Variants in TOPAZ1 observed in about 807,000 individuals in gnomAD.
TOPAZ1 encodes the protein testis and ovary specific TOPAZ 1.
Under a neutral mutation model 172.2 loss-of-function variants are expected in TOPAZ1, and 66 were observed. The ratio of observed to expected loss-of-function variants is 0.38; its 90% CI spans 0.31 to 0.47. The LOEUF is 0.47. Ranked by LOEUF, TOPAZ1 falls within the 20% of genes least tolerant of loss-of-function variation. The probability of loss-of-function intolerance (pLI) is 0.99; values close to 1 mark genes in which losing one functional copy is unlikely to be tolerated. For missense variants in TOPAZ1, 1,822 were observed against 1,972.4 expected, an observed-to-expected ratio of 0.92 and a Z score of 1.44; for synonymous variants, 681 against 683.9, an observed-to-expected ratio of 1.00 and a Z score of 0.07.
chr3:44,322,243 AT>A (rs1700545816), intron 17 of TOPAZ1, among the ~76,000 whole-genome samples: 1 of 152,346 alleles, frequency 6.6e-6, no homozygotes, highest in East Asian at 1.9e-4. Context: ...AGTCTCTAAG[AT>A]GACTTCTCTT....
intron 4 of TOPAZ1, among the ~76,000 whole-genome samples, chr3:44,257,050 C>T (rs759198779): frequency 2.6e-5 from 4 of 151,856 alleles, no homozygotes; most frequent in African/African-American, 4.8e-5. Context: ...ATCAATATGC[C>T]GGGTGCAGTG....
rs111766609 is a variant in TOPAZ1, at chr3:44,310,294, T to A, written c.4306+304T>A. Among the ~76,000 whole-genome samples, 595 of 152,124 alleles carry A rather than the reference T, an allele frequency of 3.9e-3. 2 individuals carry two copies. Among genetic ancestry groups the A allele is most frequent in the Middle Eastern group, 0.017 (5 of 294 alleles). On this transcript the variant is annotated intron_variant, in intron 16 of 19. Transcript: ENST00000309765. ...GCAGCGGATCACCTGAGGTCAGGAG[T>A]TTGAGACCAGCCTGACCAACATGAC...
At chr3:44,274,252 T>C (rs1044947462) in intron 8 of TOPAZ1, among the ~76,000 whole-genome samples, 1 of 151,258 alleles carries the variant, frequency 6.6e-6, no homozygotes, top group African/African-American at 2.4e-5. Context: ...TCTACTAAAT[T>C]ACAAAAATTA....
chr3:44,320,689 CATAA>C (rs1700498640), intron 16 of TOPAZ1, among the ~76,000 whole-genome samples: 1 of 152,050 alleles, frequency 6.6e-6, no homozygotes, highest in African/African-American at 2.4e-5. Context: ...AACTTGTCCA[CATAA>C]ATAATATTTT....
chr3:44,274,966 T>C (rs1350333202), intron 8 of TOPAZ1, among the ~76,000 whole-genome samples: 1 of 151,996 alleles, frequency 6.6e-6, no homozygotes. Context: ...ATATGTGATA[T>C]TTTGTTACAT....
intron 5 of TOPAZ1, 66 bp from the exon 6 acceptor site, chr3:44,266,931 G>T: frequency 8.3e-7 from 1 of 1,205,928 alleles, no homozygotes; most frequent in Non-Finnish European, 1.1e-6. Flanking sequence ...TCTGATATCT[G>T]CAAAGCATTA....
intron 1 of TOPAZ1, 28 bp from the exon 2 acceptor site, chr3:44,242,825 T>G: frequency 6.9e-7 from 1 of 1,445,360 alleles, no homozygotes; most frequent in Non-Finnish European, 9.1e-7. Flanking sequence ...ATAAAATCTT[T>G]TCTGATATAT....
At chr3:44,309,523 G>T (rs1328140508) in intron 15 of TOPAZ1, among the ~76,000 whole-genome samples, 1 of 152,222 alleles carries the variant, frequency 6.6e-6, no homozygotes, top group African/African-American at 2.4e-5. Context: ...TTCATCACAT[G>T]AAATCTTAAG....
At chr3:44,325,468 C>T (rs925827593) in intron 18 of TOPAZ1, among the ~76,000 whole-genome samples, 5 of 152,132 alleles carry the variant, frequency 3.3e-5, no homozygotes, top group African/African-American at 9.7e-5. Flanking sequence ...ACATCTTCAA[C>T]ACCTCCAGAA....
chr3:44,283,312 A>G (rs187201456), intron 9 of TOPAZ1, among the ~76,000 whole-genome samples: 1 of 152,322 alleles, frequency 6.6e-6, no homozygotes, highest in Non-Finnish European at 1.5e-5. Context: ...GACCTGATAC[A>G]TATGAGGGGT....
At chr3:44,255,079 T>G (rs1443921053) in intron 3 of TOPAZ1, 50 bp downstream of exon 3, 1 of 1,353,684 alleles carries the variant, frequency 7.4e-7, no homozygotes, top group South Asian at 1.3e-5. Context: ...TCTCTTTATA[T>G]CTCCATTCAG....
In TOPAZ1 at chr3:44,255,049, G is replaced by A; in HGVS notation, c.2827+20G>A. 1 of 1,538,742 alleles carries A rather than the reference G, an allele frequency of 6.5e-7. No individual in the cohort carries two copies. Among genetic ancestry groups the A allele is most frequent in the Non-Finnish European group, 8.8e-7 (1 of 1,135,726 alleles). Reference sequence around the variant, plus strand: ...CAGCAGGTAAAAGTTGACATTTTCAGAATATGCAATATTGAAGCATCTCTT... The same window carrying A: ...CAGCAGGTAAAAGTTGACATTTTCAAAATATGCAATATTGAAGCATCTCTT... On this transcript the variant is annotated intron_variant, in intron 3 of 19. Transcript: ENST00000309765.
intron 12 of TOPAZ1, among the ~76,000 whole-genome samples, chr3:44,302,221 T>C (rs574265878): frequency 3.8e-4 from 58 of 152,174 alleles, no homozygotes; most frequent in African/African-American, 1.4e-3. Flanking sequence ...CCATTCTGGC[T>C]AACATGGTGA....
In TOPAZ1 at chr3:44,287,541, G is replaced by A; in HGVS notation, c.3588+1G>A. The A allele has an allele frequency of 1.4e-6, 2 of 1,465,328 alleles. No individual in the cohort carries two copies. Among genetic ancestry groups the A allele is most frequent in the Admixed American group, 2.8e-5 (1 of 35,864 alleles). The allele number at this position is 1,465,328 out of a possible 1,614,324, so 90.8% of individuals were successfully genotyped here. A position where few individuals can be genotyped will look rare whatever the true frequency, so the allele number is the denominator to read the frequency against. On this transcript the variant is annotated splice_donor_variant, in intron 10 of 19. Coordinates refer to ENST00000309765, the MANE Select transcript of TOPAZ1 (RefSeq NM_001145030.2). LOFTEE classifies it high-confidence loss of function. ...CCTCAGCATAATGGTTAAAATGCTG[G>A]TAAGTAGCCTGAAAATATATGTTAT...
chr3:44,289,968 G>A (rs367552456), intron 11 of TOPAZ1, among the ~76,000 whole-genome samples: 19 of 152,164 alleles, frequency 1.2e-4, no homozygotes, highest in Admixed American at 5.2e-4. Flanking sequence ...CCACTCAGTT[G>A]AGTCATTCTT....
intron 18 of TOPAZ1, among the ~76,000 whole-genome samples, chr3:44,323,652 TTTTA>T (rs1367154420): frequency 6.6e-6 from 1 of 152,232 alleles, no homozygotes; most frequent in Non-Finnish European, 1.5e-5. Context: ...GAAGATCTGT[TTTTA>T]TTTATCTCTG....
chr3:44,284,316 T>A (rs1700055626), intron 9 of TOPAZ1, among the ~76,000 whole-genome samples: 1 of 152,218 alleles, frequency 6.6e-6, no homozygotes, highest in Non-Finnish European at 1.5e-5. Flanking sequence ...ATCTACTTTC[T>A]GGCTCTATGA....
At chr3:44,258,134 C>T (rs776111022) in intron 4 of TOPAZ1, among the ~76,000 whole-genome samples, 2 of 151,984 alleles carry the variant, frequency 1.3e-5, no homozygotes, top group Admixed American at 1.3e-4. Context: ...AAGTTGCAGC[C>T]GAGGTCATTG....
intron 18 of TOPAZ1, 111 bp downstream of exon 18, chr3:44,323,406 C>A: frequency 1.6e-6 from 1 of 627,208 alleles, no homozygotes; most frequent in Non-Finnish European, 2.5e-6. Context: ...AGCAGTAATA[C>A]ATATTCAAAT....
Sources: gnomAD v4.1 joint callset for allele counts (sites outside exome capture counted in the v4.1 genomes callset) on GRCh38, gnomAD v4.1.1 for gene constraint, MANE v1.5 for transcripts, NCBI Gene and HGNC (gene_info 2026-07-23, HGNC 2026-07-21) for gene names.